Variants in SLC14A1 observed in about 807,000 individuals in gnomAD.
SLC14A1 encodes the protein solute carrier family 14 member 1 (Kidd blood group), also known as urea transporter 1.
In SLC14A1, 36 loss-of-function variants were observed where a neutral mutation model predicts 39.6. The observed-to-expected ratio is 0.91, with a 90% CI of 0.70 to 1.20. SLC14A1 has a LOEUF of 1.20. Among genes scored for constraint, SLC14A1 ranks in the 50% most tolerant of loss-of-function variants. The pLI is 0.00. For synonymous variants in SLC14A1, 164 were observed against 173.6 expected, an observed-to-expected ratio of 0.94 and a Z score of 0.43; for missense variants, 469 against 478.7, an observed-to-expected ratio of 0.98 and a Z score of 0.19.
intron 5 of SLC14A1, 71 bp from the exon 6 acceptor site, chr18:45,736,385 C>A: frequency 6.8e-7 from 1 of 1,478,848 alleles, no homozygotes; most frequent in Non-Finnish European, 9.4e-7. Context: ...AAAGCCCCTC[C>A]AGAGTATAGC....
At chr18:45,736,736 C>A in intron 6 of SLC14A1, 88 bp downstream of exon 6, 1 of 1,139,256 alleles carries the variant, frequency 8.8e-7, no homozygotes, top group South Asian at 1.3e-5. Context: ...GTCAGAGTCT[C>A]CTAGATGCTC....
chr18:45,736,039 A>G (rs1255440056), intron 5 of SLC14A1, among the ~76,000 whole-genome samples: 1 of 152,226 alleles, frequency 6.6e-6, no homozygotes, highest in African/African-American at 2.4e-5. Context: ...AAAAATAGGT[A>G]TATTAAAGAA....
rs546282568 is a variant in SLC14A1, at chr18:45,727,254, T to C, written c.-22+2241T>C. On this transcript the variant is annotated intron_variant, in intron 2 of 9. Coordinates refer to ENST00000321925, the MANE Select transcript of SLC14A1 (RefSeq NM_015865.7). ...TCACATATTTTTGCCCTTTGTCATG[T>C]ATTGAGAAAAAGTAAGGATGAATGG... 2.0e-5 allele frequency: 31 copies of C among 1,551,370 alleles called. No individual in the cohort carries two copies. In the East Asian group the frequency reaches 5.1e-4, roughly 26 times the overall value.
At chr18:45,733,817 G>C (rs902901162) in intron 4 of SLC14A1, among the ~76,000 whole-genome samples, 1 of 152,094 alleles carries the variant, frequency 6.6e-6, no homozygotes. Flanking sequence ...GTGGGCGAGT[G>C]AGCATTTCCA....
chr18:45,738,222 G>C (rs1232038297), intron 6 of SLC14A1, among the ~76,000 whole-genome samples: 1 of 152,216 alleles, frequency 6.6e-6, no homozygotes, highest in South Asian at 2.1e-4. Context: ...CCCTCTGGTA[G>C]AGTCACTGCC....
intron 3 of SLC14A1, 29 bp downstream of exon 3, chr18:45,730,500 C>G: frequency 6.2e-7 from 1 of 1,612,680 alleles, no homozygotes; most frequent in Non-Finnish European, 8.5e-7. Flanking sequence ...TTTGGAGAGA[C>G]AGGAGAAGTA....
At chr18:45,734,645 G>A (rs1344601101) in intron 5 of SLC14A1, among the ~76,000 whole-genome samples, 2 of 152,144 alleles carry the variant, frequency 1.3e-5, no homozygotes, top group African/African-American at 2.4e-5. Flanking sequence ...AAGGCTGAGG[G>A]GGAAGGATCA....
In SLC14A1 at chr18:45,749,646, T is replaced by C; in HGVS notation, c.997-132T>C. ...ATTGTAAATTCAGTCTCCACGAGCA[T>C]GCACAGAATCCAGAGCAATGCCCCC... On this transcript the variant is annotated intron_variant, in intron 9 of 9. Transcript: ENST00000321925. 1.1e-5 allele frequency: 11 copies of C among 1,026,634 alleles called. No individual in the cohort carries two copies. The Admixed American group carries it at 1.3e-4, about 12-fold the overall frequency. 63.6% of individuals were successfully genotyped at this position (1,026,634 alleles called of 1,614,324 possible). A position where few individuals can be genotyped will look rare whatever the true frequency, so the allele number is the denominator to read the frequency against.
rs746480350 is a variant in SLC14A1 at position 45,749,935 on chromosome 18, T to G, written c.1154T>G (p.Val385Gly). The change falls in exon 10 of 10, where the codon GTG becomes GGG. Residue 385 changes from valine (V) to glycine (G), a missense_variant. Transcript: ENST00000321925. ...IFYLQAKKRM[V>G]ESPL ...TACCTGCAAGCCAAGAAAAGAATGG[T>G]GGAAAGCCCTTTGTGAGAACAAGCC... is the stretch of plus-strand genomic sequence containing the variant. The G allele has an allele frequency of 8.7e-6, 14 of 1,614,032 alleles. No homozygotes were observed. Among genetic ancestry groups the G allele is most frequent in the Non-Finnish European group, 1.0e-5 (12 of 1,180,036 alleles).
At chr18:45,736,281 T>C (rs1389841724) in intron 5 of SLC14A1, among the ~76,000 whole-genome samples, 175 bp from the exon 6 acceptor site, 2 of 152,236 alleles carry the variant, frequency 1.3e-5, no homozygotes, top group East Asian at 1.9e-4. Context: ...CTTTATGTAA[T>C]ATTTACTGCC....
chr18:45,737,784 T>C (rs2047240685), intron 6 of SLC14A1, among the ~76,000 whole-genome samples: 1 of 152,218 alleles, frequency 6.6e-6, no homozygotes, highest in African/African-American at 2.4e-5. Context: ...ACATCTCAGG[T>C]GCTTGATAGC....
chr18:45,750,369 C>T lies in SLC14A1; in HGVS notation c.*418C>T, dbSNP rs1027320051. 1.9e-6 allele frequency: 2 copies of T among 1,064,960 alleles called. No homozygotes were observed. The highest frequency in any genetic ancestry group is 1.6e-4 in the East Asian group (2 of 12,554). The allele number at this position is 1,064,960 out of a possible 1,614,324, so 66.0% of individuals were successfully genotyped here. The stretch of plus-strand genomic sequence containing the variant: ...CTTATGGAATTCACAGTCACAAAAT[C>T]GAAGTTAATCCAGAATTCTGTGATA... On this transcript the variant is annotated 3_prime_UTR_variant, in exon 10 of 10. Transcript: ENST00000321925.
intron 9 of SLC14A1, 54 bp downstream of exon 9, chr18:45,748,479 A>T: frequency 6.4e-7 from 1 of 1,570,414 alleles, no homozygotes; most frequent in Non-Finnish European, 8.8e-7. Context: ...GCTTACAACT[A>T]TATGGGAAAT....
At chr18:45,746,281 G>A (rs895558499) in intron 8 of SLC14A1, among the ~76,000 whole-genome samples, 2 of 152,162 alleles carry the variant, frequency 1.3e-5, no homozygotes, top group Non-Finnish European at 1.5e-5. Context: ...TACCAAGAAT[G>A]CTGTCAGGGT....
At position 45,725,393 on chromosome 18, in the gene SLC14A1, A is replaced by T. The variant is rs1047969483; in HGVS notation, c.-22+380A>T. Among the ~76,000 whole-genome samples the T allele has an allele frequency of 5.3e-5, 8 of 152,228 alleles. No homozygotes were observed. The East Asian group carries it at 1.5e-3, about 29-fold the overall frequency. On this transcript the variant is annotated intron_variant, in intron 2 of 9. Transcript: ENST00000321925. ...ATTCTTGGGATGTTAACTTCAGCAC[A>T]CATAAGCCTTGCTGTAGATGTGTCA... is the stretch of plus-strand genomic sequence containing the variant.
chr18:45,746,116 CCAGTGGA>C (rs2047537618), intron 8 of SLC14A1, among the ~76,000 whole-genome samples: 1 of 152,188 alleles, frequency 6.6e-6, no homozygotes. Context: ...TGTTGTTTTA[CCAGTGGA>C]GAGTGTAAAC....
chr18:45,726,537 G>A (rs2046868577), intron 2 of SLC14A1, among the ~76,000 whole-genome samples: 1 of 152,198 alleles, frequency 6.6e-6, no homozygotes, highest in African/African-American at 2.4e-5. Flanking sequence ...ACTTATGCCT[G>A]TAATCCCAGT....
intron 8 of SLC14A1, 83 bp from the exon 9 acceptor site, chr18:45,748,293 G>T: frequency 1.4e-6 from 2 of 1,407,550 alleles, no homozygotes; most frequent in Non-Finnish European, 2.0e-6. Context: ...CATTCCAGGT[G>T]ATTTATATTG....
Position 45,751,803 on chromosome 18 carries a change from A to AATTC in SLC14A1, c.*1855_*1856insCATT. On this transcript the variant is annotated 3_prime_UTR_variant, in exon 10 of 10. Transcript: ENST00000321925. ...TCTCAAAAAAATTAATTAATTAATT[A>AATTC]ATTAATTAATTTAAAAAGGAAGTCA... 7.3e-6 allele frequency: 6 copies of AATTC among 816,936 alleles called. No homozygotes were observed. Among genetic ancestry groups the AATTC allele is most frequent in the African/African-American group, 1.9e-5 (1 of 53,836 alleles). 50.6% of individuals were successfully genotyped at this position (816,936 alleles called of 1,614,324 possible). A position where few individuals can be genotyped will look rare whatever the true frequency, so the allele number is the denominator to read the frequency against.
Sources: gnomAD v4.1 joint callset for allele counts (sites outside exome capture counted in the v4.1 genomes callset) on GRCh38, gnomAD v4.1.1 for gene constraint, MANE v1.5 for transcripts, NCBI Gene and HGNC (gene_info 2026-07-23, HGNC 2026-07-21) for gene names.